Variants in RALGAPA1 observed in about 807,000 individuals in gnomAD.
RALGAPA1 encodes ral GTPase-activating protein subunit alpha-1.
RALGAPA1 carries 52 observed loss-of-function variants against 269.6 expected under a neutral mutation model. The ratio of observed to expected loss-of-function variants is 0.19; its 90% CI spans 0.15 to 0.24. The LOEUF (loss-of-function observed/expected upper bound fraction) is 0.24. Ranked by LOEUF, RALGAPA1 falls within the 10% of genes least tolerant of loss-of-function variation. The pLI is 1.00. For synonymous variants in RALGAPA1, 817 were observed against 1,008.3 expected, an observed-to-expected ratio of 0.81 and a Z score of 3.60; for missense variants, 1,917 against 3,013.9, an observed-to-expected ratio of 0.64 and a Z score of 8.52.
intron 41 of RALGAPA1, 67 bp downstream of exon 41, chr14:35,548,441 C>T (rs1594515125): frequency 1.8e-6 from 2 of 1,084,294 alleles, no homozygotes; most frequent in South Asian, 1.6e-5. Flanking sequence ...AAGCTTAGAG[C>T]CTGCTAATTT....
chr14:35,726,547 G>A (rs2069927621), intron 13 of RALGAPA1, among the ~76,000 whole-genome samples: 1 of 152,104 alleles, frequency 6.6e-6, no homozygotes, highest in Non-Finnish European at 1.5e-5. Context: ...TACTTTGGGA[G>A]GTGGTCAAGG....
In RALGAPA1 at chr14:35,627,842, T is replaced by C. The variant is rs2061087956; in HGVS notation, c.6105A>G (p.Leu2035=). The C allele has an allele frequency of 6.3e-7, 1 of 1,593,206 alleles. No homozygotes were observed. Among genetic ancestry groups the C allele is most frequent in the Non-Finnish European group, 8.6e-7 (1 of 1,165,284 alleles). Residue 2035 remains leucine, a synonymous_variant, in exon 34 of 42, where the codon CTA becomes CTG. Coordinates refer to ENST00000680220, the MANE Select transcript of RALGAPA1 (RefSeq NM_001346249.2). ...HYPMSGGPAM[L]TSQVCENHDN... ...CGTGATTTTCACACACCTGACTTGT[T>C]AGCATAGCAGGACCACCGCTCATTG...
intron 35 of RALGAPA1, among the ~76,000 whole-genome samples, chr14:35,616,010 T>C (rs572976102): frequency 7.3e-4 from 111 of 152,132 alleles, no homozygotes; most frequent in African/African-American, 2.6e-3. Flanking sequence ...GTTAAAACTG[T>C]CTTGGAAAGA....
At chr14:35,605,809 A>G in intron 35 of RALGAPA1, 100 bp from the exon 36 acceptor site, 1 of 1,355,192 alleles carries the variant, frequency 7.4e-7, no homozygotes, top group Non-Finnish European at 1.0e-6. Flanking sequence ...CAATAAAAAG[A>G]TGAAAAAGAA....
chr14:35,608,359 A>G (rs942884220), intron 35 of RALGAPA1, among the ~76,000 whole-genome samples: 2 of 152,224 alleles, frequency 1.3e-5, no homozygotes, highest in African/African-American at 4.8e-5. Context: ...CCAGGCTAAA[A>G]GAAAAACAAT....
chr14:35,571,368 T>C (rs993062371), intron 38 of RALGAPA1, among the ~76,000 whole-genome samples: 3 of 147,874 alleles, frequency 2.0e-5, no homozygotes, highest in African/African-American at 5.2e-5. Context: ...CTCTGTTGTA[T>C]ATTCTTCAAT....
intron 41 of RALGAPA1, among the ~76,000 whole-genome samples, chr14:35,545,288 T>G (rs2054351515): frequency 6.6e-6 from 1 of 152,022 alleles, no homozygotes; most frequent in Admixed American, 6.6e-5. Flanking sequence ...CACTCAAAGA[T>G]TCAAAGAAAT....
rs748194628 is a variant in RALGAPA1, at chr14:35,605,780, C to A, written c.6930-71G>T. 9.4e-5 allele frequency: 145 copies of A among 1,537,046 alleles called. No homozygotes were observed. The Middle Eastern group carries it at 1.7e-3, about 18-fold the overall frequency. On this transcript the variant is annotated intron_variant, in intron 35 of 41. Coordinates refer to ENST00000680220, the MANE Select transcript of RALGAPA1 (RefSeq NM_001346249.2). ...TACTCATTCATCCAACAATTAAGTT[C>A]TATGTACAAAGTATGTAGCAATAAA...
chr14:35,596,883 T>C (rs2058961263), intron 36 of RALGAPA1, among the ~76,000 whole-genome samples: 2 of 152,164 alleles, frequency 1.3e-5, no homozygotes, highest in Admixed American at 6.5e-5. Flanking sequence ...TATGCACACA[T>C]CCATTCACGT....
chr14:35,697,491 G>A (rs1303189339), intron 17 of RALGAPA1, among the ~76,000 whole-genome samples: 3 of 151,792 alleles, frequency 2.0e-5, no homozygotes, highest in Non-Finnish European at 2.9e-5. Flanking sequence ...GACTACAGGC[G>A]CCTGCCACCA....
chr14:35,724,718 C>T (rs988453546), intron 14 of RALGAPA1, among the ~76,000 whole-genome samples: 3 of 152,084 alleles, frequency 2.0e-5, no homozygotes, highest in African/African-American at 7.2e-5. Flanking sequence ...GTTTTTGCAA[C>T]CACATATTAT....
intron 27 of RALGAPA1, among the ~76,000 whole-genome samples, chr14:35,663,757 T>A (rs2063723494): frequency 6.6e-6 from 1 of 151,640 alleles, no homozygotes; most frequent in South Asian, 2.1e-4. Flanking sequence ...GCCCGGCTAA[T>A]TTTTTTTGTA....
intron 37 of RALGAPA1, among the ~76,000 whole-genome samples, chr14:35,582,720 G>A (rs1415198228): frequency 6.6e-6 from 1 of 152,166 alleles, no homozygotes; most frequent in Non-Finnish European, 1.5e-5. Context: ...TATGGAGGGG[G>A]AGGGGAAAAA....
intron 21 of RALGAPA1, among the ~76,000 whole-genome samples, chr14:35,679,289 C>G (rs766176800): frequency 1.2e-4 from 18 of 152,042 alleles, no homozygotes; most frequent in Non-Finnish European, 1.9e-4. Context: ...CTCATTACCT[C>G]TTTCTACACA....
chr14:35,663,977 C>T (rs915012184), intron 27 of RALGAPA1, among the ~76,000 whole-genome samples: 1 of 152,130 alleles, frequency 6.6e-6, no homozygotes, highest in Non-Finnish European at 1.5e-5. Context: ...AATTATTTAT[C>T]AACAGGCACC....
At chr14:35,695,075 G>C (rs2066794870) in intron 17 of RALGAPA1, among the ~76,000 whole-genome samples, 1 of 151,902 alleles carries the variant, frequency 6.6e-6, no homozygotes, top group African/African-American at 2.4e-5. Context: ...GCAAGACTGT[G>C]TCTCAAAAAA....
chr14:35,646,743 A>C (rs568134939), intron 31 of RALGAPA1, among the ~76,000 whole-genome samples: 1 of 152,310 alleles, frequency 6.6e-6, no homozygotes, highest in South Asian at 2.1e-4. Flanking sequence ...ACTAATGCTA[A>C]TTTCCTCATG....
At chr14:35,716,600 A>G (rs534673223) in intron 16 of RALGAPA1, among the ~76,000 whole-genome samples, 1 of 152,162 alleles carries the variant, frequency 6.6e-6, no homozygotes, top group South Asian at 2.1e-4. Context: ...CTGATATTCA[A>G]TCCATATTCA....
chr14:35,723,963 AGAAAG>A (rs2069663259), intron 14 of RALGAPA1: 1 of 152,134 alleles, frequency 6.6e-6, no homozygotes, highest in Admixed American at 6.5e-5. Context: ...TACAACATTT[AGAAAG>A]GAATTCACAT....
Sources: gnomAD v4.1 joint callset for allele counts (sites outside exome capture counted in the v4.1 genomes callset) on GRCh38, gnomAD v4.1.1 for gene constraint, MANE v1.5 for transcripts, NCBI Gene and HGNC (gene_info 2026-07-23, HGNC 2026-07-21) for gene names.